The following SV2C variants were observed in gnomAD, a reference collection of about 807,000 sequenced individuals.
The protein encoded by SV2C is synaptic vesicle glycoprotein 2C.
A neutral mutation model predicts 79.7 loss-of-function variants in SV2C; 49 were observed. The ratio of observed to expected loss-of-function variants is 0.61; its 90% confidence interval spans 0.49 to 0.78. The LOEUF is 0.78. SV2C is among the 30% of genes least tolerant of loss of function. The probability of loss-of-function intolerance (pLI) is 0.00; values close to 1 mark genes in which losing one functional copy is unlikely to be tolerated. For missense variants in SV2C, 833 were observed against 912.9 expected (o/e 0.91, Z 1.13); for synonymous variants, 334 against 333.2 (o/e 1.00, Z -0.03).
At chr5:76,037,987 T>C in the SV2C span, among the ~76,000 whole-genome samples, 87 of 152,292 alleles carry the variant, frequency 5.7e-4, no homozygotes, top group African/African-American at 2.1e-3. Context: ...AGTATTAGGG[T>C]GGGAGTGACC....
chr5:75,984,598 C>CCTATCTAT, the SV2C span, among the ~76,000 whole-genome samples: 1,275 of 82,034 alleles, frequency 0.016, 18 homozygotes, highest in African/African-American at 0.035. Flanking sequence ...TATCTATCTA[C>CCTATCTAT]CTATCTATCT....
chr5:75,986,766 C>T, the SV2C span, among the ~76,000 whole-genome samples: 3 of 151,922 alleles, frequency 2.0e-5, no homozygotes, highest in Admixed American at 2.0e-4. Context: ...CCGTGAGTCT[C>T]TTGCATTTCT....
intron 4 of SV2C, among the ~76,000 whole-genome samples, chr5:76,267,494 G>A (rs749566620): frequency 6.6e-5 from 10 of 152,144 alleles, no homozygotes; most frequent in Non-Finnish European, 1.0e-4. Flanking sequence ...ATATCAAAAT[G>A]TAAAGTATTC....
At chr5:75,967,641 C>T in the SV2C span, among the ~76,000 whole-genome samples, 2 of 152,312 alleles carry the variant, frequency 1.3e-5, no homozygotes, top group South Asian at 4.1e-4. Flanking sequence ...CCCGCCATTG[C>T]CGAGGCTTCA....
At chr5:76,318,136 T>C (rs894386812) in intron 12 of SV2C, among the ~76,000 whole-genome samples, 20 of 152,100 alleles carry the variant, frequency 1.3e-4, no homozygotes, top group Admixed American at 6.6e-5. Flanking sequence ...AAACATAAAA[T>C]GGGTCAGATG....
the SV2C span, among the ~76,000 whole-genome samples, chr5:76,029,730 T>G: frequency 1.3e-5 from 2 of 152,214 alleles, no homozygotes; most frequent in African/African-American, 2.4e-5. Context: ...ATTTGGCTCT[T>G]CTACAGATCC....
intron 2 of SV2C, among the ~76,000 whole-genome samples, chr5:76,159,126 C>CTAGTT (rs1190647579): frequency 6.6e-6 from 1 of 151,834 alleles, no homozygotes; most frequent in Non-Finnish European, 1.5e-5. Flanking sequence ...TAATAGGAAA[C>CTAGTT]ATCCTCAGTC....
Position 76,329,714 on chromosome 5 carries a change from A to G in SV2C, c.*4167A>G. On this transcript the variant is annotated 3_prime_UTR_variant, in exon 13 of 13. Transcript: ENST00000502798. ...AAATAGATAGAATATGATATTCTCCAATTTTTTTTCTGTTTGATGTCAAAA... is the reference window on the plus strand; with the variant it reads ...AAATAGATAGAATATGATATTCTCCGATTTTTTTTCTGTTTGATGTCAAAA... 6.6e-6 allele frequency: 1 copy of G among 150,790 alleles called. No homozygotes were observed. Among genetic ancestry groups the G allele is most frequent in the South Asian group, 2.1e-4 (1 of 4,808 alleles). 9.3% of individuals were successfully genotyped at this position (150,790 alleles called of 1,614,324 possible).
intron 1 of SV2C, among the ~76,000 whole-genome samples, chr5:76,086,090 A>G (rs531340995): frequency 1.3e-5 from 2 of 152,320 alleles, no homozygotes; most frequent in South Asian, 4.1e-4. Context: ...TGACCCAATG[A>G]CAGTGAAAGT....
intron 12 of SV2C, among the ~76,000 whole-genome samples, chr5:76,342,656 C>T (rs1749465305): frequency 6.6e-6 from 1 of 152,204 alleles, no homozygotes; most frequent in Non-Finnish European, 1.5e-5. Context: ...TGAGCTCACA[C>T]CTAAGTTCTC....
In SV2C at chr5:76,301,083, A is replaced by G. The variant is rs1213055206; in HGVS notation, c.1840+151A>G. The G allele has an allele frequency of 4.5e-6, 4 of 892,488 alleles. No homozygotes were observed. The African/African-American group carries it at 5.1e-5, about 11-fold the overall frequency. 55.3% of individuals were successfully genotyped at this position (892,488 alleles called of 1,614,324 possible). On this transcript the variant is annotated intron_variant, in intron 11 of 12. Coordinates refer to ENST00000502798, the MANE Select transcript of SV2C (RefSeq NM_014979.4). ...TTGGGACTAAATTATAGTGAAAATTATGTCTAATTACATTTCATTTGAGTG... is the reference window on the plus strand; with the variant it reads ...TTGGGACTAAATTATAGTGAAAATTGTGTCTAATTACATTTCATTTGAGTG...
At chr5:75,998,539 TG>T in the SV2C span, among the ~76,000 whole-genome samples, 1 of 152,024 alleles carries the variant, frequency 6.6e-6, no homozygotes, top group African/African-American at 2.4e-5. Context: ...GCAAGGAAAA[TG>T]TCAAGAGAAT....
At chr5:76,031,948 C>G in the SV2C span, among the ~76,000 whole-genome samples, 1 of 152,190 alleles carries the variant, frequency 6.6e-6, no homozygotes, top group Non-Finnish European at 1.5e-5. Flanking sequence ...ATTCCATTCT[C>G]ATAGCCCAGC....
the SV2C span, among the ~76,000 whole-genome samples, chr5:75,916,391 C>A: frequency 0.018 from 2,524 of 142,182 alleles, 31 homozygotes; most frequent in African/African-American, 0.05. Flanking sequence ...TCCCCTTCCC[C>A]TTCCCCTTCC....
chr5:75,971,076 C>T, the SV2C span, among the ~76,000 whole-genome samples: 28 of 152,224 alleles, frequency 1.8e-4, no homozygotes, highest in African/African-American at 6.5e-4. Flanking sequence ...ACAAAAACCA[C>T]ATGATTATCT....
At chr5:76,223,440 CATACATAT>C (rs1297374725) in intron 4 of SV2C, among the ~76,000 whole-genome samples, 16 of 36,018 alleles carry the variant, frequency 4.4e-4, no homozygotes, top group East Asian at 4.4e-3. Context: ...TATATACATA[CATACATAT>C]ATATATATAT....
intron 8 of SV2C, 27 bp downstream of exon 8, chr5:76,291,883 G>C (rs1401789721): frequency 3.9e-6 from 6 of 1,535,524 alleles, no homozygotes; most frequent in Non-Finnish European, 5.4e-6. Flanking sequence ...TTCTTGGCAA[G>C]CAAAATCGTT....
At chr5:75,938,423 G>T in the SV2C span, among the ~76,000 whole-genome samples, 1 of 152,172 alleles carries the variant, frequency 6.6e-6, no homozygotes, top group East Asian at 1.9e-4. Flanking sequence ...GGTAGAATGG[G>T]TAAATAAATT....
chr5:76,325,596 A>G lies in SV2C; in HGVS notation c.*49A>G, dbSNP rs948432782. ...GCGTTTCTTCCTCCTGCCCTGGGTC[A>G]ATTCTCCTTCCTGACTCAAGGCTTC... On this transcript the variant is annotated 3_prime_UTR_variant, in exon 13 of 13. Transcript: ENST00000502798. 6.3e-6 allele frequency: 10 copies of G among 1,599,304 alleles called. No individual in the cohort carries two copies. The highest frequency in any genetic ancestry group is 2.0e-4 in the Middle Eastern group (1 of 5,010).
Sources: allele counts gnomAD v4.1 joint callset (sites outside exome capture counted in the v4.1 genomes callset), GRCh38; gene constraint gnomAD v4.1.1; transcripts MANE v1.5; gene names NCBI Gene and HGNC (gene_info 2026-07-23, HGNC 2026-07-21).